Variants in TMEM232 observed in about 807,000 individuals in gnomAD.
TMEM232 encodes transmembrane protein 232.
TMEM232 carries 80 observed loss-of-function variants against 78.8 expected under a neutral mutation model. That is an observed-to-expected ratio of 1.01 (90% CI 0.85 to 1.22). The LOEUF is 1.22. Ranked by LOEUF, TMEM232 falls within the 50% of genes most tolerant of loss-of-function variation. The pLI is 0.00. For synonymous variants in TMEM232, 297 were observed against 254.3 expected (o/e 1.17, Z -1.60); for missense variants, 881 against 742.2 (o/e 1.19, Z -2.17).
Position 110,402,577 on chromosome 5 carries a change from A to G in TMEM232, n.309-4723T>C, listed in dbSNP as rs544092332. Among the ~76,000 whole-genome samples the G allele has an allele frequency of 2.4e-4, 36 of 152,210 alleles. No individual in the cohort carries two copies. In the South Asian group the frequency reaches 6.8e-3, roughly 29 times the overall value. ...CAGAAGACTAGGGGATGGCACCACAATCAGTGACAGGACTTGGGAGAACCA... is the reference window on the plus strand; with the variant it reads ...CAGAAGACTAGGGGATGGCACCACAGTCAGTGACAGGACTTGGGAGAACCA... On this transcript the variant is annotated intron_variant and non_coding_transcript_variant, in intron 2 of 8. Coordinates refer to the TMEM232 transcript ENST00000507188.
chr5:110,696,423 A>T (rs1197088679), intron 1 of TMEM232, among the ~76,000 whole-genome samples: 1 of 152,214 alleles, frequency 6.6e-6, no homozygotes, highest in Non-Finnish European at 1.5e-5. Flanking sequence ...CACCACTCCT[A>T]TTCAACATAG....
At chr5:110,473,492 C>A (rs116298679) in intron 12 of TMEM232, among the ~76,000 whole-genome samples, 1 of 151,138 alleles carries the variant, frequency 6.6e-6, no homozygotes, top group Non-Finnish European at 1.5e-5. Context: ...AATATAAATT[C>A]GTACAGTCAT....
intron 8 of TMEM232, among the ~76,000 whole-genome samples, chr5:110,615,654 A>G (rs547822552): frequency 1.1e-4 from 16 of 151,976 alleles, no homozygotes; most frequent in Non-Finnish European, 2.4e-4. Flanking sequence ...AAGAAAAAGA[A>G]AAAAAAGTCA....
chr5:110,624,528 T>C (rs1784173307), intron 7 of TMEM232, among the ~76,000 whole-genome samples: 1 of 152,154 alleles, frequency 6.6e-6, no homozygotes, highest in African/African-American at 2.4e-5. Context: ...TCTTTCATTA[T>C]CTATTTACTG....
At chr5:110,428,232 T>TGTCA (rs1757455973) in intron 12 of TMEM232, among the ~76,000 whole-genome samples, 1 of 151,862 alleles carries the variant, frequency 6.6e-6, no homozygotes. Flanking sequence ...ATAAGGATAC[T>TGTCA]GTCATTGAAT....
intron 10 of TMEM232, among the ~76,000 whole-genome samples, chr5:110,597,595 G>A (rs896548256): frequency 4.6e-5 from 7 of 151,364 alleles, no homozygotes; most frequent in South Asian, 4.2e-4. Context: ...GAGGCATCAC[G>A]CTACCTGACT....
chr5:110,530,448 T>G (rs1009565569), intron 11 of TMEM232, among the ~76,000 whole-genome samples: 1 of 152,154 alleles, frequency 6.6e-6, no homozygotes, highest in Non-Finnish European at 1.5e-5. Context: ...AACATTACTC[T>G]CAATAGCCAA....
At chr5:110,484,428 T>C (rs1191288719) in intron 12 of TMEM232, among the ~76,000 whole-genome samples, 1 of 151,830 alleles carries the variant, frequency 6.6e-6, no homozygotes, top group Non-Finnish European at 1.5e-5. Context: ...CAAAAAGACA[T>C]ACAACATATA....
intron 8 of TMEM232, among the ~76,000 whole-genome samples, chr5:110,609,529 T>C (rs1781924893): frequency 6.6e-6 from 1 of 152,024 alleles, no homozygotes; most frequent in African/African-American, 2.4e-5. Context: ...CATCTCTCCA[T>C]ATTTTTTCAG....
intron 2 of TMEM232, among the ~76,000 whole-genome samples, chr5:110,733,413 A>G (rs910579960): frequency 6.6e-6 from 1 of 152,182 alleles, no homozygotes; most frequent in African/African-American, 2.4e-5. Context: ...TTGCACCACT[A>G]TTCACAATAG....
intron 12 of TMEM232, among the ~76,000 whole-genome samples, chr5:110,504,309 A>G (rs1274268989): frequency 1.3e-5 from 2 of 152,176 alleles, no homozygotes; most frequent in East Asian, 1.9e-4. Flanking sequence ...TGAGCAGAGG[A>G]AAGTGGTTTT....
At chr5:110,411,405 T>A (rs370897212) in intron 2 of TMEM232, among the ~76,000 whole-genome samples, 3 of 152,358 alleles carry the variant, frequency 2.0e-5, no homozygotes, top group African/African-American at 7.2e-5. Flanking sequence ...TCCTTTTTGA[T>A]AGGATATTTG....
intron 4 of TMEM232, among the ~76,000 whole-genome samples, chr5:110,390,252 T>C (rs1224656846): frequency 1.3e-5 from 2 of 152,162 alleles, no homozygotes; most frequent in Admixed American, 1.3e-4. Context: ...TGATACAATC[T>C]CACTGCAGGA....
At chr5:110,613,709 G>A (rs2149870140) in intron 8 of TMEM232, among the ~76,000 whole-genome samples, 1 of 152,062 alleles carries the variant, frequency 6.6e-6, no homozygotes, top group African/African-American at 2.4e-5. Context: ...TTTTTTGCAT[G>A]TACCCAGTAG....
chr5:110,518,509 CTAAAG>C (rs1769025540), intron 12 of TMEM232, among the ~76,000 whole-genome samples: 1 of 152,098 alleles, frequency 6.6e-6, no homozygotes, highest in African/African-American at 2.4e-5. Context: ...ATGAAATACA[CTAAAG>C]TATTTTTGCA....
intron 1 of TMEM232, among the ~76,000 whole-genome samples, chr5:110,725,267 A>T (rs1485875217): frequency 6.6e-6 from 1 of 152,226 alleles, no homozygotes; most frequent in African/African-American, 2.4e-5. Context: ...CTCAGTGTTA[A>T]TATTCTCATA....
At chr5:110,602,434 T>A (rs1394210431) in intron 10 of TMEM232, among the ~76,000 whole-genome samples, 1 of 151,414 alleles carries the variant, frequency 6.6e-6, no homozygotes, top group African/African-American at 2.4e-5. Context: ...TACAAGGAAC[T>A]GGAACAAATT....
intron 11 of TMEM232, among the ~76,000 whole-genome samples, chr5:110,548,257 C>T (rs1036237400): frequency 1.3e-5 from 2 of 150,686 alleles, no homozygotes; most frequent in Non-Finnish European, 3.0e-5. Flanking sequence ...CACACACATA[C>T]ACGAACACAT....
At chr5:110,700,669 G>A (rs748613093) in intron 1 of TMEM232, among the ~76,000 whole-genome samples, 1 of 151,906 alleles carries the variant, frequency 6.6e-6, no homozygotes, top group Non-Finnish European at 1.5e-5. Flanking sequence ...AGAGGTATGG[G>A]AGGCTCTGAG....
Sources: allele counts gnomAD v4.1 joint callset (sites outside exome capture counted in the v4.1 genomes callset), GRCh38; gene constraint gnomAD v4.1.1; transcripts MANE v1.5; gene names NCBI Gene and HGNC (gene_info 2026-07-23, HGNC 2026-07-21).